NRG3: variants seen among roughly 807,000 people sequenced by gnomAD.
The protein encoded by NRG3 is neuregulin 3, also known as pro-neuregulin-3, membrane-bound isoform.
In NRG3, 31 loss-of-function variants were observed where a neutral mutation model predicts 66.9. That is an observed-to-expected ratio of 0.46 (90% confidence interval 0.35 to 0.63). The LOEUF is 0.63. Ranked by LOEUF, NRG3 falls within the 20% of genes least tolerant of loss-of-function variation. The pLI, the probability that NRG3 is intolerant of heterozygous loss-of-function variation, is 0.00. For synonymous variants in NRG3, 393 were observed against 359.4 expected (o/e 1.09, Z -1.06); for missense variants, 910 against 878.9 (o/e 1.04, Z -0.45).
intron 2 of NRG3, among the ~76,000 whole-genome samples, chr10:82,696,560 G>T (rs2055400573): frequency 6.6e-6 from 1 of 152,110 alleles, no homozygotes; most frequent in Non-Finnish European, 1.5e-5. Flanking sequence ...ACTTAGACCA[G>T]CAAATAAGCC....
At chr10:82,930,750 A>T (rs1353284457) in intron 4 of NRG3, among the ~76,000 whole-genome samples, 1 of 152,190 alleles carries the variant, frequency 6.6e-6, no homozygotes, top group Admixed American at 6.5e-5. Flanking sequence ...GAGTGATTGC[A>T]ACACAAGGTG....
intron 2 of NRG3, among the ~76,000 whole-genome samples, chr10:82,452,017 G>A (rs911182027): frequency 1.3e-5 from 2 of 152,132 alleles, no homozygotes; most frequent in Admixed American, 1.3e-4. Flanking sequence ...CTTCTATTTG[G>A]AATCCAGCAT....
At chr10:82,963,433 C>G (rs1850876369) in intron 6 of NRG3, among the ~76,000 whole-genome samples, 1 of 152,196 alleles carries the variant, frequency 6.6e-6, no homozygotes, top group African/African-American at 2.4e-5. Context: ...GTAATCCCAG[C>G]ACTTTGGGAG....
intron 1 of NRG3, among the ~76,000 whole-genome samples, chr10:81,940,966 C>T (rs1848354990): frequency 6.6e-6 from 1 of 152,104 alleles, no homozygotes; most frequent in Admixed American, 6.6e-5. Flanking sequence ...TTTAACTTCT[C>T]ATTTATGAAG....
chr10:82,122,735 G>C (rs1210883912), intron 1 of NRG3, among the ~76,000 whole-genome samples: 1 of 152,104 alleles, frequency 6.6e-6, no homozygotes, highest in Admixed American at 6.6e-5. Context: ...AGGATTATTT[G>C]ACTAAACAGG....
chr10:81,948,389 G>T (rs1849037098), intron 1 of NRG3, among the ~76,000 whole-genome samples: 1 of 152,150 alleles, frequency 6.6e-6, no homozygotes, highest in Non-Finnish European at 1.5e-5. Context: ...TAGTAGGGAA[G>T]AAGGTCATAG....
chr10:82,570,421 C>T (rs1380424076), intron 2 of NRG3, among the ~76,000 whole-genome samples: 1 of 151,542 alleles, frequency 6.6e-6, no homozygotes, highest in Non-Finnish European at 1.5e-5. Context: ...TCATTGGAGA[C>T]TTTGAGTTTC....
At chr10:82,458,601 C>T (rs141309900) in intron 2 of NRG3, among the ~76,000 whole-genome samples, 1 of 152,122 alleles carries the variant, frequency 6.6e-6, no homozygotes, top group Non-Finnish European at 1.5e-5. Context: ...GGACCAAGAC[C>T]TCGCTCTGTC....
chr10:82,891,193 T>C (rs1171324435), intron 4 of NRG3, among the ~76,000 whole-genome samples: 1 of 151,590 alleles, frequency 6.6e-6, no homozygotes, highest in Non-Finnish European at 1.5e-5. Context: ...TTATGAAGAT[T>C]ATGTTAAATC....
intron 3 of NRG3, among the ~76,000 whole-genome samples, chr10:82,848,168 G>A (rs1437466167): frequency 6.6e-6 from 1 of 152,190 alleles, no homozygotes; most frequent in Non-Finnish European, 1.5e-5. Context: ...CTGACATTGT[G>A]TTGGATGTCA....
intron 4 of NRG3, among the ~76,000 whole-genome samples, chr10:82,866,781 G>A (rs1840785144): frequency 6.6e-6 from 1 of 152,268 alleles, no homozygotes; most frequent in South Asian, 2.1e-4. Flanking sequence ...CAGATTGGTT[G>A]ATTTTGATTT....
At chr10:82,225,343 A>G (rs2076118268) in intron 1 of NRG3, 1 of 152,216 alleles carries the variant, frequency 6.6e-6, no homozygotes, top group African/African-American at 2.4e-5. Context: ...TTAATTAGAC[A>G]CTGACATATA....
chr10:82,049,299 A>G (rs1382924592), intron 1 of NRG3, among the ~76,000 whole-genome samples: 1 of 152,094 alleles, frequency 6.6e-6, no homozygotes, highest in Non-Finnish European at 1.5e-5. Context: ...ATCAATCATA[A>G]GAGGACCCTT....
At chr10:82,582,442 G>A (rs1187518556) in intron 2 of NRG3, among the ~76,000 whole-genome samples, 1 of 152,068 alleles carries the variant, frequency 6.6e-6, no homozygotes, top group African/African-American at 2.4e-5. Context: ...TCTGTTAAAT[G>A]GTATGGCTCC....
At chr10:82,526,593 G>T (rs562512613) in intron 2 of NRG3, among the ~76,000 whole-genome samples, 60 of 151,960 alleles carry the variant, frequency 3.9e-4, no homozygotes, top group Admixed American at 2.0e-3. Context: ...GAAAGGTGTA[G>T]CTATAAATAT....
chr10:82,705,973 A>G (rs928854205), intron 2 of NRG3, among the ~76,000 whole-genome samples: 1 of 152,174 alleles, frequency 6.6e-6, no homozygotes, highest in African/African-American at 2.4e-5. Context: ...TAATGATGTG[A>G]TGGCCAGGTT....
At chr10:82,289,624 C>T (rs1251696517) in intron 1 of NRG3, among the ~76,000 whole-genome samples, 2 of 152,076 alleles carry the variant, frequency 1.3e-5, no homozygotes, top group Admixed American at 6.5e-5. Flanking sequence ...ATATTCATTT[C>T]CTCCAGCCTT....
At chr10:82,506,119 G>T (rs1251883982) in intron 2 of NRG3, among the ~76,000 whole-genome samples, 1 of 152,148 alleles carries the variant, frequency 6.6e-6, no homozygotes, top group Admixed American at 6.5e-5. Flanking sequence ...ATGGTGGCAC[G>T]TGCCTGTAAC....
intron 2 of NRG3, among the ~76,000 whole-genome samples, chr10:82,428,722 T>C (rs1253282023): frequency 6.6e-6 from 1 of 151,960 alleles, no homozygotes; most frequent in Non-Finnish European, 1.5e-5. Context: ...TGTTTAAGTC[T>C]GGATAGTTTC....
Sources: allele counts gnomAD v4.1 joint callset (sites outside exome capture counted in the v4.1 genomes callset), GRCh38; gene constraint gnomAD v4.1.1; transcripts MANE v1.5; gene names NCBI Gene and HGNC (gene_info 2026-07-23, HGNC 2026-07-21).